The following PTPRD variants were observed in gnomAD, a reference collection of about 807,000 sequenced individuals.
PTPRD encodes protein tyrosine phosphatase receptor type D.
A neutral mutation model predicts 214.5 loss-of-function variants in PTPRD; 34 were observed. The ratio of observed to expected loss-of-function variants is 0.16; its 90% CI spans 0.12 to 0.21. PTPRD has a LOEUF of 0.21. Ranked by LOEUF, PTPRD falls within the 10% of genes least tolerant of loss-of-function variation. The probability of loss-of-function intolerance (pLI) is 1.00; values close to 1 mark genes in which losing one functional copy is unlikely to be tolerated. For synonymous variants in PTPRD, 1,128 were observed against 845.7 expected, an observed-to-expected ratio of 1.33 and a Z score of -5.79; for missense variants, 2,545 against 2,398.7, an observed-to-expected ratio of 1.06 and a Z score of -1.27.
At chr9:10,478,112 T>C (rs775696848) in intron 2 of PTPRD, among the ~76,000 whole-genome samples, 14 of 151,976 alleles carry the variant, frequency 9.2e-5, no homozygotes, top group Non-Finnish European at 1.6e-4. Flanking sequence ...AACCTGCACG[T>C]TTAGCACATG....
At chr9:9,396,493 C>T (rs547309636) in intron 9 of PTPRD, among the ~76,000 whole-genome samples, 22 of 151,898 alleles carry the variant, frequency 1.4e-4, no homozygotes, top group Non-Finnish European at 2.7e-4. Context: ...CCAACATTTG[C>T]TTTTTCTTAA....
intron 2 of PTPRD, among the ~76,000 whole-genome samples, chr9:10,572,131 A>T (rs2067651987): frequency 6.6e-6 from 1 of 152,146 alleles, no homozygotes; most frequent in Non-Finnish European, 1.5e-5. Flanking sequence ...ACAAAGCCAT[A>T]TTTTCTCAAT....
chr9:10,402,408 A>T (rs2098283887), intron 2 of PTPRD, among the ~76,000 whole-genome samples: 2 of 151,754 alleles, frequency 1.3e-5, no homozygotes, highest in Non-Finnish European at 2.9e-5. Flanking sequence ...GCATTTGGAA[A>T]TATGTTTTAT....
Position 9,828,077 on chromosome 9 carries a change from C to A in PTPRD, c.-367-61226G>T, listed in dbSNP as rs201498701. Among the ~76,000 whole-genome samples, 26 of 152,060 alleles carry A rather than the reference C, an allele frequency of 1.7e-4. No homozygotes were observed. The East Asian group carries it at 1.7e-3, about 10-fold the overall frequency. ...GGTGGGACTGTAAACTAGCTCAACC[C>A]TTGTGGAAGTCAGTGTGGCGATTCC... On this transcript the variant is annotated intron_variant, in intron 5 of 45. Transcript: ENST00000381196.
At chr9:9,078,908 G>A (rs2099755008) in intron 10 of PTPRD, among the ~76,000 whole-genome samples, 2 of 151,992 alleles carry the variant, frequency 1.3e-5, no homozygotes, top group Non-Finnish European at 2.9e-5. Context: ...GATCAGATCA[G>A]GGTAATTAGC....
chr9:9,525,073 G>A (rs971866196), intron 8 of PTPRD, among the ~76,000 whole-genome samples: 1 of 152,168 alleles, frequency 6.6e-6, no homozygotes, highest in Non-Finnish European at 1.5e-5. Flanking sequence ...TAGCCAGGAT[G>A]GTCTCGATCT....
chr9:8,910,741 A>G (rs1247049503), intron 11 of PTPRD, among the ~76,000 whole-genome samples: 1 of 152,262 alleles, frequency 6.6e-6, no homozygotes, highest in African/African-American at 2.4e-5. Flanking sequence ...TACTAGAACT[A>G]GAAAACAAAT....
intron 11 of PTPRD, among the ~76,000 whole-genome samples, chr9:8,888,376 T>C (rs1344952495): frequency 1.3e-5 from 2 of 152,210 alleles, no homozygotes; most frequent in African/African-American, 4.8e-5. Flanking sequence ...GCATACCAGA[T>C]ATACCTTCAC....
At chr9:9,690,584 T>G (rs1051056401) in intron 7 of PTPRD, among the ~76,000 whole-genome samples, 5 of 151,942 alleles carry the variant, frequency 3.3e-5, no homozygotes, top group African/African-American at 1.2e-4. Context: ...CAAAGTTAGC[T>G]TCTAGTAATT....
chr9:9,691,333 A>C (rs2097266323), intron 7 of PTPRD, among the ~76,000 whole-genome samples: 1 of 151,930 alleles, frequency 6.6e-6, no homozygotes, highest in African/African-American at 2.4e-5. Context: ...TTCTGTTTCC[A>C]TGAGTTCAAT....
chr9:8,358,210 C>G (rs964781689), intron 39 of PTPRD, among the ~76,000 whole-genome samples: 3 of 152,134 alleles, frequency 2.0e-5, no homozygotes, highest in Non-Finnish European at 4.4e-5. Context: ...AAGTTACAGC[C>G]TGGGGAAGAA....
rs1352538680 is a variant in PTPRD at position 8,510,881 on chromosome 9, A to C, written c.1544-3447T>G. On this transcript the variant is annotated intron_variant, in intron 21 of 45. Coordinates refer to ENST00000381196, the MANE Select transcript of PTPRD (RefSeq NM_002839.4). ...CCTAATGAGCATAATATATGTATATAAGAAAACACTTTGTTTTCTCTGGAA... is the reference window on the plus strand; with the variant it reads ...CCTAATGAGCATAATATATGTATATCAGAAAACACTTTGTTTTCTCTGGAA... 2.6e-5 allele frequency among the ~76,000 whole-genome samples: 4 copies of C among 152,258 alleles called. No homozygotes were observed. The East Asian group carries it at 7.7e-4, about 29-fold the overall frequency.
intron 11 of PTPRD, among the ~76,000 whole-genome samples, chr9:8,872,713 C>A (rs2098324161): frequency 6.6e-6 from 1 of 152,148 alleles, no homozygotes; most frequent in African/African-American, 2.4e-5. Flanking sequence ...TTCTTTCTTT[C>A]TTATCTTTAA....
chr9:9,822,443 T>C (rs1174847397), intron 5 of PTPRD, among the ~76,000 whole-genome samples: 4 of 147,766 alleles, frequency 2.7e-5, no homozygotes, highest in Non-Finnish European at 5.9e-5. Context: ...ATATATAATA[T>C]ATACATAATA....
At chr9:9,243,830 G>A (rs1276199323) in intron 9 of PTPRD, among the ~76,000 whole-genome samples, 3 of 152,102 alleles carry the variant, frequency 2.0e-5, no homozygotes, top group African/African-American at 7.2e-5. Context: ...TATTCAATTA[G>A]GAAAAGAGGA....
Position 10,612,964 on chromosome 9 carries a change from C to T in PTPRD, c.-984G>A, listed in dbSNP as rs980752819. ...AGGCGGCCGCTCCCGCACTCGCTCG[C>T]TCGCTCGCTGGCGCTCCCTCCTCGT... On this transcript the variant is annotated 5_prime_UTR_variant, in exon 1 of 46. Transcript: ENST00000381196. Among the ~76,000 whole-genome samples the T allele has an allele frequency of 2.4e-4, 37 of 151,554 alleles. No individual in the cohort carries two copies. Among genetic ancestry groups the T allele is most frequent in the Non-Finnish European group, 3.4e-4 (23 of 67,806 alleles).
chr9:9,728,642 G>A (rs747245193), intron 7 of PTPRD, among the ~76,000 whole-genome samples: 3 of 152,038 alleles, frequency 2.0e-5, no homozygotes, highest in Admixed American at 6.6e-5. Context: ...TAAACTTTGG[G>A]CACCACATCA....
At chr9:8,866,779 T>A (rs1181197245) in intron 11 of PTPRD, among the ~76,000 whole-genome samples, 2 of 41,804 alleles carry the variant, frequency 4.8e-5, no homozygotes, top group African/African-American at 1.9e-4. Flanking sequence ...TCTCATCAAG[T>A]CAGTTTTTTT....
intron 35 of PTPRD, among the ~76,000 whole-genome samples, chr9:8,412,514 T>A (rs1269458636): frequency 6.6e-6 from 1 of 152,194 alleles, no homozygotes; most frequent in Non-Finnish European, 1.5e-5. Flanking sequence ...AATTCCTCAC[T>A]GCTCTTTGAA....
Sources: allele counts gnomAD v4.1 joint callset (sites outside exome capture counted in the v4.1 genomes callset), GRCh38; gene constraint gnomAD v4.1.1; transcripts MANE v1.5; gene names NCBI Gene and HGNC (gene_info 2026-07-23, HGNC 2026-07-21).